Variants in ADD1 observed in about 807,000 individuals in gnomAD.
ADD1 encodes alpha-adducin.
A neutral mutation model predicts 80.5 loss-of-function variants in ADD1; 24 were observed. That is an observed-to-expected ratio of 0.30 (90% CI 0.22 to 0.42). The LOEUF (loss-of-function observed/expected upper bound fraction) is 0.42. Ranked by LOEUF, ADD1 falls within the 10% of genes least tolerant of loss-of-function variation. The pLI is 1.00. For missense variants in ADD1, 948 were observed against 1,019.0 expected (o/e 0.93, Z 0.95); for synonymous variants, 373 against 393.8 (o/e 0.95, Z 0.63).
intron 1 of ADD1, among the ~76,000 whole-genome samples, chr4:2,874,378 G>A (rs1168692711): frequency 3.3e-5 from 5 of 152,142 alleles, no homozygotes; most frequent in South Asian, 2.1e-4. Context: ...AGGCCTAGGC[G>A]GGCGGATCAC....
chr4:2,892,045 C>T (rs572104986), intron 4 of ADD1, among the ~76,000 whole-genome samples: 51 of 152,302 alleles, frequency 3.3e-4, no homozygotes, highest in African/African-American at 9.1e-4. Context: ...GCCCATGACA[C>T]GGTGGGCTCT....
intron 1 of ADD1, among the ~76,000 whole-genome samples, chr4:2,861,230 A>G: frequency 6.6e-6 from 1 of 152,150 alleles, no homozygotes; most frequent in East Asian, 1.9e-4. Flanking sequence ...GCTGGGGGCC[A>G]AAATGGGAAG....
At position 2,928,643 on chromosome 4, in the gene ADD1, G is replaced by A. The variant is rs1052642474; in HGVS notation, c.*120G>A. 1.5e-4 allele frequency: 161 copies of A among 1,099,356 alleles called. 1 individual carries two copies. The highest frequency in any genetic ancestry group is 1.2e-3 in the South Asian group (82 of 68,866). The allele number at this position is 1,099,356 out of a possible 1,614,324, so 68.1% of individuals were successfully genotyped here. ...AAAAAGCCAAGCCCTCCGCCTAGAG[G>A]TCCCCTCACGTGACCAGCCCCGTGT... On this transcript the variant is annotated 3_prime_UTR_variant, in exon 16 of 16. Coordinates refer to ENST00000683351, the MANE Select transcript of ADD1 (RefSeq NM_001354761.2).
Position 2,909,445 on chromosome 4 carries a change from T to C in ADD1, c.1791+14T>C. 1 of 1,538,392 alleles carries C rather than the reference T, an allele frequency of 6.5e-7. No homozygotes were observed. Among genetic ancestry groups the C allele is most frequent in the Non-Finnish European group, 8.8e-7 (1 of 1,135,912 alleles). On this transcript the variant is annotated intron_variant, in intron 13 of 15. Coordinates refer to ENST00000683351, the MANE Select transcript of ADD1 (RefSeq NM_001354761.2). ...TCTTTTAGAAAGGTACTCACTGCCC[T>C]GTCCTCACTACCTGTCTATGCGCCT...
intron 10 of ADD1, chr4:2,907,061 C>T (rs1038442263): frequency 1.3e-5 from 2 of 152,144 alleles, no homozygotes; most frequent in Admixed American, 1.3e-4. Flanking sequence ...GATACTAAAA[C>T]AGCCTTTAAA....
intron 1 of ADD1, among the ~76,000 whole-genome samples, chr4:2,859,598 T>C (rs528368080): frequency 1.3e-5 from 2 of 152,128 alleles, no homozygotes; most frequent in Non-Finnish European, 2.9e-5. Flanking sequence ...CGTGAGACCC[T>C]GTCTCAAAAA....
chr4:2,876,955 T>C (rs956812332), intron 2 of ADD1, among the ~76,000 whole-genome samples: 4 of 151,084 alleles, frequency 2.6e-5, no homozygotes, highest in Non-Finnish European at 5.9e-5. Context: ...TGAGCGGAGA[T>C]TGTGCTACTG....
chr4:2,852,204 T>TTTCCTTTCC (rs1560138434), intron 1 of ADD1, among the ~76,000 whole-genome samples: 4 of 49,138 alleles, frequency 8.1e-5, no homozygotes, highest in African/African-American at 2.4e-4. Context: ...CTTTCCTTTC[T>TTTCCTTTCC]TTCCTTTCCT....
chr4:2,876,114 A>G lies in ADD1; in HGVS notation c.195+4A>G. 1 of 1,609,848 alleles carries G rather than the reference A, an allele frequency of 6.2e-7. No individual in the cohort carries two copies. The highest frequency in any genetic ancestry group is 8.5e-7 in the Non-Finnish European group (1 of 1,178,474). ...GTCCATGATTCTGCAAAGCCCTGTG[A>G]GAAGAGAAGTCTTTTCTCTGACCAG... On this transcript the variant is annotated splice_donor_region_variant and intron_variant, in intron 2 of 15. Transcript: ENST00000683351.
At chr4:2,916,751 G>A (rs1418498682) in intron 14 of ADD1, among the ~76,000 whole-genome samples, 4 of 152,078 alleles carry the variant, frequency 2.6e-5, no homozygotes, top group African/African-American at 9.7e-5. Context: ...TGTTCTAATT[G>A]TTCAATCCCC....
At chr4:2,894,390 C>G (rs1157690306) in intron 5 of ADD1, among the ~76,000 whole-genome samples, 192 bp from the exon 6 acceptor site, 3 of 151,212 alleles carry the variant, frequency 2.0e-5, no homozygotes, top group African/African-American at 7.3e-5. Context: ...TACCCCAACT[C>G]TACAAAAAAA....
Position 2,904,663 on chromosome 4 carries a change from A to G in ADD1, c.1162-101A>G, listed in dbSNP as rs904970101. On this transcript the variant is annotated intron_variant, in intron 9 of 15. Transcript: ENST00000683351. ...GGAATTACTGAGTCATAGGGTATGC[A>G]TGTGTTCAACTTTTGTGGATGTTTC... 6 of 1,048,068 alleles carry G rather than the reference A, an allele frequency of 5.7e-6. No individual in the cohort carries two copies. The African/African-American group carries it at 7.9e-5, about 14-fold the overall frequency. The allele number at this position is 1,048,068 out of a possible 1,614,324, so 64.9% of individuals were successfully genotyped here.
In ADD1 at chr4:2,908,588, A is replaced by G; in HGVS notation, c.1682A>G (p.Asp561Gly). ...CAGGTTTTGTGTGGTGTAGTGATGG[A>G]CAGGAGCCTCGTCCAGGTGAGAGCC... is the stretch of plus-strand genomic sequence containing the variant. Reference protein sequence around the residue: ...QSQVLCGVVMDRSLVQDAPLS... With the variant: ...QSQVLCGVVMGRSLVQDAPLS... The change falls in exon 12 of 16, where the codon GAC (aspartate) becomes GGC (glycine). Residue 561 changes from aspartate (D) to glycine (G), a missense_variant. Coordinates refer to ENST00000683351, the MANE Select transcript of ADD1 (RefSeq NM_001354761.2). 6.2e-7 allele frequency: 1 copy of G among 1,614,190 alleles called. No homozygotes were observed. Among genetic ancestry groups the G allele is most frequent in the Non-Finnish European group, 8.5e-7 (1 of 1,180,018 alleles).
chr4:2,874,345 G>A (rs1730918489), intron 1 of ADD1, among the ~76,000 whole-genome samples: 2 of 152,258 alleles, frequency 1.3e-5, no homozygotes, highest in African/African-American at 2.4e-5. Context: ...GGTGGCTAAC[G>A]CCTATAATCC....
At chr4:2,907,649 G>A (rs1737283764) in intron 10 of ADD1, 94 bp from the exon 11 acceptor site, 2 of 1,060,456 alleles carry the variant, frequency 1.9e-6, no homozygotes, top group South Asian at 2.6e-5. Flanking sequence ...GATGTTCAGT[G>A]CATGACCAGA....
At chr4:2,851,499 C>G (rs1727065657) in intron 1 of ADD1, among the ~76,000 whole-genome samples, 1 of 152,110 alleles carries the variant, frequency 6.6e-6, no homozygotes, top group Admixed American at 6.5e-5. Flanking sequence ...TCTTTTTTGT[C>G]TGTCTCTCCC....
At chr4:2,852,453 A>C (rs562170445) in intron 1 of ADD1, among the ~76,000 whole-genome samples, 1 of 147,824 alleles carries the variant, frequency 6.8e-6, no homozygotes, top group African/African-American at 2.5e-5. Flanking sequence ...CAGCGTACTG[A>C]GTAGCTGGGA....
chr4:2,892,582 C>G (rs1734477889), intron 4 of ADD1, among the ~76,000 whole-genome samples: 1 of 152,150 alleles, frequency 6.6e-6, no homozygotes, highest in Admixed American at 6.5e-5. Flanking sequence ...GTAAGCCTAG[C>G]ATTTTGAGAG....
Position 2,926,336 on chromosome 4 carries a change from G to T in ADD1, c.2047+224G>T. The T allele has an allele frequency of 1.4e-6, 1 of 704,978 alleles. No individual in the cohort carries two copies. Among genetic ancestry groups the T allele is most frequent in the Non-Finnish European group, 2.6e-6 (1 of 388,512 alleles). 43.7% of individuals were successfully genotyped at this position (704,978 alleles called of 1,614,324 possible). ...GACCAGGTAGGAAGGCCGGCCTCGG[G>T]GGTCGGAACCCACCATGGTTGCTGG... On this transcript the variant is annotated intron_variant, in intron 15 of 15. Coordinates refer to ENST00000683351, the MANE Select transcript of ADD1 (RefSeq NM_001354761.2). The surrounding 1 kb of genome is among the most constrained non-coding windows in gnomAD (Gnocchi z 5.0).
Sources: allele counts gnomAD v4.1 joint callset (sites outside exome capture counted in the v4.1 genomes callset), GRCh38; gene constraint gnomAD v4.1.1; non-coding constraint Gnocchi (gnomAD v3.1); transcripts MANE v1.5; gene names NCBI Gene and HGNC (gene_info 2026-07-23, HGNC 2026-07-21).